Variants in NFE2L3 observed in about 807,000 individuals in gnomAD.
NFE2L3 encodes the protein NFE2 like bZIP transcription factor 3.
NFE2L3 carries 18 observed loss-of-function variants against 23.5 expected under a neutral mutation model. The observed-to-expected ratio is 0.77, with a 90% CI of 0.53 to 1.13. The LOEUF (loss-of-function observed/expected upper bound fraction) is 1.13, where lower values mean the gene tolerates loss of function less well. NFE2L3 is among the 50% of genes most tolerant of loss of function. NFE2L3 has a pLI of 0.00. For synonymous variants in NFE2L3, 424 were observed against 354.5 expected (o/e 1.20, Z -2.20); for missense variants, 1,152 against 877.2 (o/e 1.31, Z -3.96).
chr7:26,185,563 G>A lies in NFE2L3; in HGVS notation c.1865G>A (p.Arg622Lys), dbSNP rs1041393796. ...NLQAKKETLKREQAQCNKAIN... is the reference protein window; with the variant it reads ...NLQAKKETLKKEQAQCNKAIN... ...CAAGCAAAGAAGGAAACTCTTAAGA[G>A]AGAGCAAGCACAATGTAACAAAGCT... The change falls in exon 4 of 4, where the codon AGA becomes AAA. Residue 622 changes from arginine (R) to lysine (K), a missense_variant. By Grantham distance (26) the Arg-to-Lys change is conservative. Coordinates refer to ENST00000056233, the MANE Select transcript of NFE2L3 (RefSeq NM_004289.7). The A allele has an allele frequency of 6.2e-7, 1 of 1,613,642 alleles. No homozygotes were observed. The highest frequency in any genetic ancestry group is 1.3e-5 in the African/African-American group (1 of 74,876).
chr7:26,155,202 G>C (rs1452485495), intron 1 of NFE2L3, among the ~76,000 whole-genome samples: 1 of 152,120 alleles, frequency 6.6e-6, no homozygotes, highest in African/African-American at 2.4e-5. Context: ...CAGCACTTTG[G>C]GAGGCTGAGG....
rs764212820 is a variant in NFE2L3 at position 26,185,690 on chromosome 7, C to A, written c.1992C>A (p.Leu664=). The part of the protein sequence containing the change: ...GRPVNPNHYA[L]QCTHDGSILI... ...CAGTCAATCCCAACCACTATGCTCT[C>A]CAGTGTACCCATGATGGAAGTATCT... Residue 664 remains leucine, a synonymous_variant, in exon 4 of 4, where the codon CTC becomes CTA. Coordinates refer to ENST00000056233, the MANE Select transcript of NFE2L3 (RefSeq NM_004289.7). The A allele has an allele frequency of 6.2e-7, 1 of 1,613,836 alleles. No homozygotes were observed. The highest frequency in any genetic ancestry group is 8.5e-7 in the Non-Finnish European group (1 of 1,179,766).
At chr7:26,153,695 C>A (rs1383894179) in intron 1 of NFE2L3, among the ~76,000 whole-genome samples, 1 of 152,218 alleles carries the variant, frequency 6.6e-6, no homozygotes, top group East Asian at 1.9e-4. Context: ...ATAACGAAAA[C>A]AGGTACCTTG....
chr7:26,184,646 T>C lies in NFE2L3; in HGVS notation c.948T>C (p.His316=). ...SQAISQDVNL[H]EAILLCPNNT... is the part of the protein sequence containing the mutation. ...CTATAAGTCAGGATGTGAATCTTCA[T>C]GAGGCCATCTTGCTTTGTCCCAACA... Residue 316 remains histidine, a synonymous_variant, in exon 4 of 4, where the codon CAT becomes CAC. Transcript: ENST00000056233. The C allele has an allele frequency of 6.2e-7, 1 of 1,613,966 alleles. No homozygotes were observed. Among genetic ancestry groups the C allele is most frequent in the Non-Finnish European group, 8.5e-7 (1 of 1,179,860 alleles).
In NFE2L3 at chr7:26,185,056, A is replaced by C; in HGVS notation, c.1358A>C (p.His453Pro). The C allele has an allele frequency of 6.2e-7, 1 of 1,613,792 alleles. No homozygotes were observed. Among genetic ancestry groups the C allele is most frequent in the Non-Finnish European group, 8.5e-7 (1 of 1,179,708 alleles). ...GGTGCTATAGGTTATTGCACTGACC[A>C]TGAATCTAGTTCCCATCATGACTTA... The part of the protein sequence containing the change: ...DEGAIGYCTD[H>P]ESSSHHDLEG... Residue 453 changes from histidine (H) to proline (P), a missense_variant, in exon 4 of 4, where the codon CAT (histidine) becomes CCT (proline). His to Pro is a moderately conservative substitution (Grantham distance 77). Coordinates refer to ENST00000056233, the MANE Select transcript of NFE2L3 (RefSeq NM_004289.7).
rs769900683 is a variant in NFE2L3, at chr7:26,184,812, A to G, written c.1114A>G (p.Met372Val). 5 of 1,613,934 alleles carry G rather than the reference A, an allele frequency of 3.1e-6. No homozygotes were observed. The highest frequency in any genetic ancestry group is 2.2e-5 in the East Asian group (1 of 44,874). The part of the protein sequence containing the change: ...TGFLSPVDNH[M>V]RNLTSQDLLY... ...ATTTCTTTCACCGGTTGACAATCATATGAGGAATCTAACAAGCCAAGACCT... is the reference window on the plus strand; with the variant it reads ...ATTTCTTTCACCGGTTGACAATCATGTGAGGAATCTAACAAGCCAAGACCT... Residue 372 changes from methionine to valine, a missense_variant, in exon 4 of 4, where the codon ATG (methionine) becomes GTG (valine). Met to Val is a conservative substitution (Grantham distance 21). Coordinates refer to ENST00000056233, the MANE Select transcript of NFE2L3 (RefSeq NM_004289.7).
chr7:26,180,016 A>G (rs1339570581), intron 2 of NFE2L3, among the ~76,000 whole-genome samples: 1 of 152,100 alleles, frequency 6.6e-6, no homozygotes, highest in Non-Finnish European at 1.5e-5. Flanking sequence ...CGTGGTATAC[A>G]TGCATCTCAC....
rs1041555989 is a variant in NFE2L3, at chr7:26,152,244, T to A, written c.-255T>A. 2 of 207,586 alleles carry A rather than the reference T, an allele frequency of 9.6e-6. No individual in the cohort carries two copies. Among genetic ancestry groups the A allele is most frequent in the African/African-American group, 4.7e-5 (2 of 42,818 alleles). The allele number at this position is 207,586 out of a possible 1,614,324, so 12.9% of individuals were successfully genotyped here. ...GCTGCGGGCGGCTGGGCGAACGGGCTCGGCGCTCAGGTGGCTCCTTCTTCG... is the reference window on the plus strand; with the variant it reads ...GCTGCGGGCGGCTGGGCGAACGGGCACGGCGCTCAGGTGGCTCCTTCTTCG... On this transcript the variant is annotated 5_prime_UTR_variant, in exon 1 of 4. Transcript: ENST00000056233. The surrounding 1 kb of genome is among the most constrained non-coding windows in gnomAD (Gnocchi z 4.4).
At chr7:26,172,578 C>G (rs1019390665) in intron 1 of NFE2L3, among the ~76,000 whole-genome samples, 22 of 152,270 alleles carry the variant, frequency 1.4e-4, no homozygotes, top group African/African-American at 4.6e-4. Flanking sequence ...CTTTAGTCAC[C>G]TGTAATGTGG....
rs1303147806 is a variant in NFE2L3, at chr7:26,185,597, A to G, written c.1899A>G (p.Ile633Met). The G allele has an allele frequency of 2.5e-6, 4 of 1,613,782 alleles. No homozygotes were observed. In the East Asian group the frequency reaches 8.9e-5, roughly 36 times the overall value. ...CACAATGTAACAAAGCTATTAACAT[A>G]ATGAAACAGAAACTGCATGACCTTT... ...EQAQCNKAIN[I>M]MKQKLHDLYH... Residue 633 changes from isoleucine to methionine, a missense_variant, in exon 4 of 4, where the codon ATA (isoleucine) becomes ATG (methionine). Coordinates refer to ENST00000056233, the MANE Select transcript of NFE2L3 (RefSeq NM_004289.7).
chr7:26,185,603 A>G lies in NFE2L3; in HGVS notation c.1905A>G (p.Lys635=), dbSNP rs1782463915. Residue 635 remains lysine (K), a synonymous_variant, in exon 4 of 4, where the codon AAA becomes AAG. Coordinates refer to ENST00000056233, the MANE Select transcript of NFE2L3 (RefSeq NM_004289.7). The part of the protein sequence containing the change: ...AQCNKAINIM[K]QKLHDLYHDI... ...GTAACAAAGCTATTAACATAATGAAACAGAAACTGCATGACCTTTATCATG... is the reference window on the plus strand; with the variant it reads ...GTAACAAAGCTATTAACATAATGAAGCAGAAACTGCATGACCTTTATCATG... The G allele has an allele frequency of 1.2e-6, 2 of 1,613,814 alleles. No homozygotes were observed. Among genetic ancestry groups the G allele is most frequent in the Non-Finnish European group, 1.7e-6 (2 of 1,179,814 alleles).
chr7:26,185,721 G>GA lies in NFE2L3; in HGVS notation c.2023_2024insA (p.Val675AspfsTer25). ...TACCCATGATGGAAGTATCTTGATA[G>GA]TACCCAAAGAACTGGTGGCCTCAGG... On this transcript the variant is annotated frameshift_variant, in exon 4 of 4. Transcript: ENST00000056233. LOFTEE classifies it high-confidence loss of function. 1 of 1,611,744 alleles carries GA rather than the reference G, an allele frequency of 6.2e-7. No individual in the cohort carries two copies. Among genetic ancestry groups the GA allele is most frequent in the Non-Finnish European group, 8.5e-7 (1 of 1,179,270 alleles).
chr7:26,175,486 T>A (rs35838658), intron 1 of NFE2L3, among the ~76,000 whole-genome samples: 37,710 of 151,844 alleles, frequency 0.25, 5,897 homozygotes, highest in Non-Finnish European at 0.34. Context: ...TAGTTTATAA[T>A]AATAGTTTCC....
intron 1 of NFE2L3, chr7:26,174,813 G>A (rs941637281): frequency 2.0e-5 from 3 of 152,138 alleles, no homozygotes; most frequent in Admixed American, 6.5e-5. Flanking sequence ...GAAAAAGTTT[G>A]ACAAGCTTTA....
At chr7:26,162,818 TCCTC>T (rs897355291) in intron 1 of NFE2L3, among the ~76,000 whole-genome samples, 1 of 151,872 alleles carries the variant, frequency 6.6e-6, no homozygotes, top group Non-Finnish European at 1.5e-5. Flanking sequence ...GCTCAGGTGA[TCCTC>T]CCACCTCAGC....
intron 1 of NFE2L3, among the ~76,000 whole-genome samples, chr7:26,170,060 C>T (rs1784313327): frequency 6.6e-6 from 1 of 152,180 alleles, no homozygotes; most frequent in South Asian, 2.1e-4. Context: ...ATGCTTGTTG[C>T]CCAGCCTAAT....
chr7:26,183,657 T>A, intron 2 of NFE2L3, 44 bp from the exon 3 acceptor site: 2 of 1,226,104 alleles, frequency 1.6e-6, no homozygotes, highest in Non-Finnish European at 2.4e-6. Context: ...CCCAACCAGT[T>A]CAGTCTTTTA....
intron 1 of NFE2L3, among the ~76,000 whole-genome samples, chr7:26,154,550 TTTTG>T (rs1784052431): frequency 6.6e-6 from 1 of 152,086 alleles, no homozygotes; most frequent in Admixed American, 6.6e-5. Flanking sequence ...TTGGCTGTTT[TTTTG>T]TTTGTTTTGT....
chr7:26,180,760 C>CA (rs1380492660), intron 2 of NFE2L3, among the ~76,000 whole-genome samples: 1 of 151,922 alleles, frequency 6.6e-6, no homozygotes, highest in Non-Finnish European at 1.5e-5. Context: ...AATGAGGAGA[C>CA]AAATGAAGTA....
Sources: gnomAD v4.1 joint callset for allele counts (sites outside exome capture counted in the v4.1 genomes callset) on GRCh38, gnomAD v4.1.1 for gene constraint, Gnocchi (gnomAD v3.1) non-coding constraint, MANE v1.5 for transcripts, NCBI Gene and HGNC (gene_info 2026-07-23, HGNC 2026-07-21) for gene names.